The following DPP10 variants were observed in gnomAD, a reference collection of about 807,000 sequenced individuals.
DPP10 encodes the protein inactive dipeptidyl peptidase 10.
In DPP10, 33 loss-of-function variants were observed where a neutral mutation model predicts 120.9. The observed-to-expected ratio is 0.27, with a 90% CI of 0.21 to 0.37. The LOEUF (loss-of-function observed/expected upper bound fraction) is 0.37, where lower values mean the gene tolerates loss of function less well. Ranked by LOEUF, DPP10 falls within the 10% of genes least tolerant of loss-of-function variation. DPP10 has a pLI of 1.00. For synonymous variants in DPP10, 337 were observed against 326.1 expected (o/e 1.03, Z -0.36); for missense variants, 816 against 942.8 (o/e 0.87, Z 1.76).
intron 21 of DPP10, among the ~76,000 whole-genome samples, chr2:115,834,602 T>A (rs1689258788): frequency 6.6e-6 from 1 of 152,152 alleles, no homozygotes; most frequent in Non-Finnish European, 1.5e-5. Flanking sequence ...TCTTGGCTTA[T>A]TAAAAAACAT....
intron 1 of DPP10, among the ~76,000 whole-genome samples, chr2:115,062,158 G>GTGTC (rs1706465393): frequency 7.3e-6 from 1 of 136,534 alleles, no homozygotes; most frequent in South Asian, 2.2e-4. Context: ...GTGTGTGTGT[G>GTGTC]TGTGTGTGTG....
At chr2:115,321,565 T>G (rs1286252978) in intron 2 of DPP10, among the ~76,000 whole-genome samples, 3 of 142,190 alleles carry the variant, frequency 2.1e-5, no homozygotes, top group East Asian at 2.2e-4. Flanking sequence ...TATAGTTCTA[T>G]GTCCTTTGCC....
At chr2:114,912,087 C>T (rs183232653) in intron 1 of DPP10, among the ~76,000 whole-genome samples, 25 of 152,152 alleles carry the variant, frequency 1.6e-4, no homozygotes, top group African/African-American at 6.0e-4. Context: ...AGAGATAGTC[C>T]TCCACTGCAC....
intron 1 of DPP10, among the ~76,000 whole-genome samples, chr2:115,299,319 A>G (rs2061021633): frequency 6.6e-6 from 1 of 152,054 alleles, no homozygotes. Flanking sequence ...CAACTCCACA[A>G]TTTTGAGAAA....
chr2:115,500,280 C>T (rs948699896), intron 4 of DPP10, among the ~76,000 whole-genome samples: 10 of 151,716 alleles, frequency 6.6e-5, no homozygotes, highest in South Asian at 2.1e-4. Context: ...CCAACACCAA[C>T]GAAAAATAGT....
intron 3 of DPP10, among the ~76,000 whole-genome samples, chr2:115,402,854 A>AAAAAAATATATATAT (rs1476901026): frequency 1.0e-5 from 1 of 97,668 alleles, no homozygotes. Flanking sequence ...AAAAAAAAAA[A>AAAAAAATATATATAT]ATATATATAT....
intron 1 of DPP10, among the ~76,000 whole-genome samples, chr2:114,446,836 C>T (rs1285910434): frequency 1.3e-5 from 2 of 152,056 alleles, no homozygotes; most frequent in East Asian, 3.9e-4. Context: ...CCAAATGAGG[C>T]ATAGGAAACA....
chr2:114,868,491 T>C (rs1026335046), intron 1 of DPP10, among the ~76,000 whole-genome samples: 10 of 152,136 alleles, frequency 6.6e-5, no homozygotes, highest in African/African-American at 2.2e-4. Flanking sequence ...TCCAATTCAG[T>C]GCATGATGGT....
At chr2:115,151,414 C>G (rs72837539) in intron 1 of DPP10, among the ~76,000 whole-genome samples, 2 of 141,156 alleles carry the variant, frequency 1.4e-5, no homozygotes, top group East Asian at 4.1e-4. Flanking sequence ...CTTTCTTATA[C>G]TTTTTTTTTT....
chr2:114,701,433 C>A (rs989937030), intron 1 of DPP10, among the ~76,000 whole-genome samples: 23 of 152,026 alleles, frequency 1.5e-4, no homozygotes, highest in African/African-American at 5.3e-4. Context: ...CCCTTCAGAC[C>A]AGTTAAAGAT....
chr2:114,692,323 C>T (rs1699809028), intron 1 of DPP10, among the ~76,000 whole-genome samples: 1 of 151,912 alleles, frequency 6.6e-6, no homozygotes, highest in African/African-American at 2.4e-5. Context: ...TTGATGTCTG[C>T]CTAAATTTCA....
At chr2:115,637,491 A>G (rs1292222484) in intron 5 of DPP10, among the ~76,000 whole-genome samples, 1 of 152,242 alleles carries the variant, frequency 6.6e-6, no homozygotes, top group Non-Finnish European at 1.5e-5. Flanking sequence ...AATATGAAAA[A>G]TACAATCCAG....
intron 17 of DPP10, among the ~76,000 whole-genome samples, chr2:115,784,175 G>A (rs1209661450): frequency 1.3e-5 from 2 of 152,154 alleles, no homozygotes; most frequent in African/African-American, 4.8e-5. Flanking sequence ...GTGAATAGTG[G>A]TCAAGTGCTT....
In DPP10 at chr2:115,289,132, C is replaced by T. The variant is rs139573353; in HGVS notation, c.61-20107C>T. Among the ~76,000 whole-genome samples the T allele has an allele frequency of 2.2e-4, 34 of 152,078 alleles. 1 individual carries two copies. Among genetic ancestry groups the T allele is most frequent in the Admixed American group, 1.5e-3 (23 of 15,246 alleles). On this transcript the variant is annotated intron_variant, in intron 1 of 25. Coordinates refer to ENST00000410059, the MANE Select transcript of DPP10 (RefSeq NM_020868.6). ...AAAATCTATGTGAAGAAATCAGTAG[C>T]GCTGCTATGATACAATGACCAAACT...
chr2:114,471,138 T>C (rs1209615360), intron 1 of DPP10, among the ~76,000 whole-genome samples: 2 of 152,342 alleles, frequency 1.3e-5, no homozygotes, highest in East Asian at 3.9e-4. Flanking sequence ...TACCACATCA[T>C]TAAAACTTGA....
At chr2:115,541,174 T>G (rs1174442895) in intron 5 of DPP10, among the ~76,000 whole-genome samples, 1 of 151,970 alleles carries the variant, frequency 6.6e-6, no homozygotes, top group East Asian at 1.9e-4. Context: ...AGTTATTCAC[T>G]TATAAAATGA....
Position 115,280,774 on chromosome 2 carries a change from A to G in DPP10, c.61-28465A>G, listed in dbSNP as rs746467589. Among the ~76,000 whole-genome samples, 45 of 152,176 alleles carry G rather than the reference A, an allele frequency of 3.0e-4. 1 individual carries two copies. Among genetic ancestry groups the G allele is most frequent in the Non-Finnish European group, 6.5e-4 (44 of 68,032 alleles). On this transcript the variant is annotated intron_variant, in intron 1 of 25. Coordinates refer to ENST00000410059, the MANE Select transcript of DPP10 (RefSeq NM_020868.6). The stretch of plus-strand genomic sequence containing the variant: ...TTTTGAGAGTATTGCTAGTTATTTT[A>G]TTCTCAGTTACCTAAGAAGGGTCAT...
chr2:115,175,080 A>T (rs1041243902), intron 1 of DPP10, among the ~76,000 whole-genome samples: 2 of 152,196 alleles, frequency 1.3e-5, no homozygotes, highest in Admixed American at 6.5e-5. Context: ...GTTCCTGGAG[A>T]TGGCTACTTT....
intron 3 of DPP10, among the ~76,000 whole-genome samples, chr2:115,492,884 A>G (rs2076199101): frequency 6.6e-6 from 1 of 152,150 alleles, no homozygotes; most frequent in Non-Finnish European, 1.5e-5. Context: ...AGAGAGGGAT[A>G]TTAGGTGAAT....
Sources: allele counts gnomAD v4.1 joint callset (sites outside exome capture counted in the v4.1 genomes callset), GRCh38; gene constraint gnomAD v4.1.1; transcripts MANE v1.5; gene names NCBI Gene and HGNC (gene_info 2026-07-23, HGNC 2026-07-21).